The following CCDC15 variants were observed in gnomAD, a reference collection of about 807,000 sequenced individuals.
CCDC15 encodes the protein coiled-coil domain containing 15.
CCDC15 carries 105 observed loss-of-function variants against 114.5 expected under a neutral mutation model. That is an observed-to-expected ratio of 0.92 (90% CI 0.78 to 1.08). CCDC15 has a LOEUF of 1.08. CCDC15 is among the 50% of genes least tolerant of loss of function. CCDC15 has a pLI of 0.00. For missense variants in CCDC15, 1,105 were observed against 1,093.6 expected (o/e 1.01, Z -0.15); for synonymous variants, 334 against 377.8 (o/e 0.88, Z 1.34).
chr11:125,038,813 C>T lies in CCDC15; in HGVS notation c.2586-108C>T. ...CAGTACAAAGAGGAAATGTCAAGGC[C>T]CAGAGATACGGAATAGATTTAACAG... On this transcript the variant is annotated intron_variant, in intron 14 of 15. Transcript: ENST00000344762. 9 of 1,339,464 alleles carry T rather than the reference C, an allele frequency of 6.7e-6. No homozygotes were observed. In the Admixed American group the frequency reaches 8.3e-5, roughly 12 times the overall value. 83.0% of individuals were successfully genotyped at this position (1,339,464 alleles called of 1,614,324 possible). A position where few individuals can be genotyped will look rare whatever the true frequency, so the allele number is the denominator to read the frequency against.
At chr11:124,999,813 T>C (rs1274070084) in intron 11 of CCDC15, among the ~76,000 whole-genome samples, 1 of 151,480 alleles carries the variant, frequency 6.6e-6, no homozygotes, top group Admixed American at 6.6e-5. Context: ...CACATCTTCC[T>C]GCTTTCTTCT....
At chr11:124,983,884 C>T (rs1054426755) in intron 6 of CCDC15, among the ~76,000 whole-genome samples, 4 of 151,946 alleles carry the variant, frequency 2.6e-5, no homozygotes, top group Non-Finnish European at 4.4e-5. Flanking sequence ...GAGGATGGAG[C>T]GGCGGGAGTG....
intron 13 of CCDC15, among the ~76,000 whole-genome samples, chr11:125,007,076 T>G (rs747839671): frequency 8.5e-5 from 13 of 152,232 alleles, no homozygotes; most frequent in Non-Finnish European, 1.8e-4. Flanking sequence ...TCTCAAACAT[T>G]ATGATTTCTT....
At chr11:125,040,057 T>TG (rs986631424) in intron 15 of CCDC15, among the ~76,000 whole-genome samples, 15 of 152,046 alleles carry the variant, frequency 9.9e-5, no homozygotes, top group East Asian at 1.9e-4. Context: ...TTTTTGTTTT[T>TG]TTTTTTCCGA....
At chr11:124,992,777 C>T in intron 10 of CCDC15, 90 bp downstream of exon 10, 1 of 716,650 alleles carries the variant, frequency 1.4e-6, no homozygotes, top group Admixed American at 2.8e-5. Flanking sequence ...GCCTGTCAAG[C>T]TAGCTTGTTT....
At chr11:125,032,803 C>T (rs1948749303) in intron 13 of CCDC15, among the ~76,000 whole-genome samples, 1 of 152,074 alleles carries the variant, frequency 6.6e-6, no homozygotes, top group Admixed American at 6.6e-5. Flanking sequence ...CCCACTGGAC[C>T]CACTGTAAGT....
At chr11:125,015,811 A>G (rs981783565) in intron 13 of CCDC15, among the ~76,000 whole-genome samples, 13 of 152,166 alleles carry the variant, frequency 8.5e-5, no homozygotes, top group African/African-American at 3.1e-4. Context: ...GTGAGCATAA[A>G]TGAAAAAAGC....
intron 13 of CCDC15, among the ~76,000 whole-genome samples, chr11:125,011,242 A>T (rs58204572): frequency 0.11 from 16,050 of 143,248 alleles, 1,434 homozygotes; most frequent in African/African-American, 0.23. Context: ...TATTATTATT[A>T]TTATTATTTT....
intron 5 of CCDC15, 81 bp from the exon 6 acceptor site, chr11:124,977,397 C>A (rs1366516283): frequency 3.8e-6 from 5 of 1,300,652 alleles, no homozygotes; most frequent in Admixed American, 3.1e-5. Context: ...AATTTTAGAT[C>A]TTTCACAGAA....
intron 13 of CCDC15, among the ~76,000 whole-genome samples, chr11:125,010,563 G>C (rs1363950296): frequency 6.6e-6 from 1 of 152,040 alleles, no homozygotes; most frequent in Non-Finnish European, 1.5e-5. Flanking sequence ...GTTTCACCAT[G>C]TGGGCCAGGC....
At chr11:124,991,390 G>T in intron 8 of CCDC15, 71 bp from the exon 9 acceptor site, 3 of 1,082,868 alleles carry the variant, frequency 2.8e-6, no homozygotes, top group Non-Finnish European at 2.6e-6. Flanking sequence ...CTTCAATGAA[G>T]CCTAGAATAT....
At chr11:124,999,247 T>A (rs918130624) in intron 11 of CCDC15, among the ~76,000 whole-genome samples, 1 of 152,168 alleles carries the variant, frequency 6.6e-6, no homozygotes, top group African/African-American at 2.4e-5. Flanking sequence ...GGGCATAATG[T>A]TTTTTAGTTT....
Position 124,986,700 on chromosome 11 carries a change from TGCGC to T in CCDC15, c.754-32_754-29del, listed in dbSNP as rs1555068495. The T allele has an allele frequency of 3.3e-5, 45 of 1,352,842 alleles. 2 individuals carry two copies. In the East Asian group the frequency reaches 9.9e-4, roughly 30 times the overall value. 83.8% of individuals were successfully genotyped at this position (1,352,842 alleles called of 1,614,324 possible). ...GTGTGTGTGTGTGTGTTTGTGTGTG[TGCGC>T]GCGCGCGCGTGCGCGTTTTCATTGT... On this transcript the variant is annotated intron_variant, in intron 6 of 15. Coordinates refer to ENST00000344762, the MANE Select transcript of CCDC15 (RefSeq NM_025004.3).
At chr11:124,975,421 G>T (rs193057628) in intron 5 of CCDC15, among the ~76,000 whole-genome samples, 141 of 152,284 alleles carry the variant, frequency 9.3e-4, no homozygotes, top group Non-Finnish European at 1.8e-3. Context: ...AAGGGAAAGT[G>T]TCTGTGATAT....
At chr11:124,955,479 A>G (rs1161470458) in intron 2 of CCDC15, among the ~76,000 whole-genome samples, 3 of 152,212 alleles carry the variant, frequency 2.0e-5, no homozygotes, top group African/African-American at 7.2e-5. Context: ...TTAACTTGGC[A>G]CTTACCACAT....
At chr11:125,033,098 G>A (rs1441421357) in intron 13 of CCDC15, among the ~76,000 whole-genome samples, 1 of 152,180 alleles carries the variant, frequency 6.6e-6, no homozygotes, top group East Asian at 1.9e-4. Flanking sequence ...CATTCAAGAG[G>A]TTCTGAGTCT....
chr11:125,005,124 C>G lies in CCDC15; in HGVS notation c.2323C>G (p.Leu775Val). ...EDKKERQKQY[L>V]RHRRLFMDIE... ...TTACCTTTAGCGTCAAAAGCAGTAC[C>G]TGAGACATAGACGACTTTTCATGGA... Residue 775 changes from leucine (L) to valine (V), a missense_variant, in exon 13 of 16, where the codon CTG (leucine) becomes GTG (valine). By Grantham distance (32) the Leu-to-Val change is conservative. Coordinates refer to ENST00000344762, the MANE Select transcript of CCDC15 (RefSeq NM_025004.3). 4 of 1,531,520 alleles carry G rather than the reference C, an allele frequency of 2.6e-6. No individual in the cohort carries two copies. Among genetic ancestry groups the G allele is most frequent in the Non-Finnish European group, 3.6e-6 (4 of 1,125,470 alleles). 94.9% of individuals were successfully genotyped at this position (1,531,520 alleles called of 1,614,324 possible).
At chr11:124,992,903 T>C (rs148309431) in intron 10 of CCDC15, among the ~76,000 whole-genome samples, 19 of 152,304 alleles carry the variant, frequency 1.2e-4, no homozygotes, top group South Asian at 6.2e-4. Context: ...AGGAAAAACA[T>C]TGGAGAAGAG....
chr11:124,991,548 C>T lies in CCDC15; in HGVS notation c.1996C>T (p.Pro666Ser). Residue 666 changes from proline (P) to serine (S), a missense_variant, in exon 9 of 16, where the codon CCC becomes TCC. By Grantham distance (74) the Pro-to-Ser change is moderately conservative (BLOSUM62 -1). Transcript: ENST00000344762. ...TCTGGCAGACTATCAGTGTTTGCCT[C>T]CCAAATCCCAGGACCAGGATGACAT... ...FSLADYQCLP[P>S]KSQDQDDIKN... 1 of 1,608,866 alleles carries T rather than the reference C, an allele frequency of 6.2e-7. No individual in the cohort carries two copies. The highest frequency in any genetic ancestry group is 1.1e-5 in the South Asian group (1 of 90,114).
Sources: gnomAD v4.1 joint callset for allele counts (sites outside exome capture counted in the v4.1 genomes callset) on GRCh38, gnomAD v4.1.1 for gene constraint, MANE v1.5 for transcripts, NCBI Gene and HGNC (gene_info 2026-07-23, HGNC 2026-07-21) for gene names.